Variants in SCRN1 observed in about 807,000 individuals in gnomAD.
SCRN1 encodes secernin 1.
Under a neutral mutation model 43.3 loss-of-function variants are expected in SCRN1, and 19 were observed. That is an observed-to-expected ratio of 0.44 (90% CI 0.31 to 0.64). The LOEUF is 0.64. SCRN1 is among the 30% of genes least tolerant of loss of function. The pLI is 0.09. For missense variants in SCRN1, 447 were observed against 524.1 expected, an observed-to-expected ratio of 0.85 and a Z score of 1.44; for synonymous variants, 183 against 188.9, an observed-to-expected ratio of 0.97 and a Z score of 0.26.
intron 5 of SCRN1, among the ~76,000 whole-genome samples, chr7:29,936,926 G>T (rs1787356653): frequency 6.6e-6 from 1 of 152,070 alleles, no homozygotes; most frequent in Admixed American, 6.6e-5. Flanking sequence ...GGCGCCTGTA[G>T]TCCCAGCTAC....
intron 4 of SCRN1, among the ~76,000 whole-genome samples, chr7:29,942,794 A>T (rs1583662773): frequency 6.6e-6 from 1 of 151,892 alleles, no homozygotes; most frequent in African/African-American, 2.4e-5. Context: ...GAAAGAGGCC[A>T]CCCCCTCCTC....
At chr7:29,969,232 A>T in intron 1 of SCRN1, 164 bp from the exon 2 acceptor site, 6 of 673,836 alleles carry the variant, frequency 8.9e-6, no homozygotes, top group African/African-American at 1.9e-5. Flanking sequence ...GGACGCCTGC[A>T]GTGGAATGAC....
At chr7:29,936,843 G>A in intron 5 of SCRN1, 122 bp from the exon 6 acceptor site, 5 of 658,172 alleles carry the variant, frequency 7.6e-6, no homozygotes, top group Middle Eastern at 4.8e-4. Flanking sequence ...TCAGGAGATC[G>A]CGACCATCCT....
Position 29,926,636 on chromosome 7 carries a change from G to T in SCRN1, c.906-4C>A, listed in dbSNP as rs1335891235. 1 of 1,610,286 alleles carries T rather than the reference G, an allele frequency of 6.2e-7. No homozygotes were observed. The highest frequency in any genetic ancestry group is 8.5e-7 in the Non-Finnish European group (1 of 1,177,222). ...GATGAAAGGCTTGAATATGGACCTGGAGAGGAAGGAGAGGCACTTCAGCCA... is the reference window on the plus strand; with the variant it reads ...GATGAAAGGCTTGAATATGGACCTGTAGAGGAAGGAGAGGCACTTCAGCCA... On this transcript the variant is annotated splice_polypyrimidine_tract_variant and splice_region_variant and intron_variant, in intron 6 of 7. Transcript: ENST00000242059.
At chr7:29,964,758 A>G (rs998441488) in intron 2 of SCRN1, among the ~76,000 whole-genome samples, 1 of 152,054 alleles carries the variant, frequency 6.6e-6, no homozygotes, top group Non-Finnish European at 1.5e-5. Context: ...GCTGGCCAAC[A>G]TGATGAAACC....
intron 3 of SCRN1, among the ~76,000 whole-genome samples, chr7:29,947,897 G>A (rs1157822144): frequency 6.6e-6 from 1 of 152,194 alleles, no homozygotes; most frequent in Non-Finnish European, 1.5e-5. Context: ...GGGGAAGATG[G>A]CCGTCTGCAA....
chr7:29,950,814 C>A lies in SCRN1; in HGVS notation c.341+4365G>T, dbSNP rs369346045. 7.9e-5 allele frequency among the ~76,000 whole-genome samples: 12 copies of A among 152,320 alleles called. No individual in the cohort carries two copies. Among genetic ancestry groups the A allele is most frequent in the African/African-American group, 2.4e-4 (10 of 41,576 alleles). On this transcript the variant is annotated intron_variant, in intron 3 of 7. Coordinates refer to ENST00000242059, the MANE Select transcript of SCRN1 (RefSeq NM_014766.5). The surrounding 1 kb of genome is among the most constrained non-coding windows in gnomAD (Gnocchi z 4.5). The stretch of plus-strand genomic sequence containing the variant: ...AGAGCTGGATACTCGTCAGGATGAC[C>A]TGCCTGCAGAATGGAGCTACCCACT...
intron 2 of SCRN1, among the ~76,000 whole-genome samples, chr7:29,958,051 C>A (rs1218590651): frequency 6.6e-6 from 1 of 152,168 alleles, no homozygotes; most frequent in Admixed American, 6.5e-5. Flanking sequence ...GGAAGGGGAT[C>A]CCCAAGTAGC....
intron 1 of SCRN1, among the ~76,000 whole-genome samples, chr7:29,988,131 G>A (rs1472910843): frequency 6.6e-6 from 1 of 152,138 alleles, no homozygotes; most frequent in Non-Finnish European, 1.5e-5. Flanking sequence ...CGCTAAATCA[G>A]TTCTTCCAAT....
chr7:29,961,558 C>A (rs1788312596), intron 2 of SCRN1, among the ~76,000 whole-genome samples: 2 of 151,098 alleles, frequency 1.3e-5, no homozygotes, highest in African/African-American at 2.4e-5. Flanking sequence ...CATTGTCATC[C>A]TGGCCCGTTC....
intron 6 of SCRN1, among the ~76,000 whole-genome samples, chr7:29,928,032 A>G (rs893949821): frequency 2.6e-5 from 4 of 152,182 alleles, no homozygotes; most frequent in African/African-American, 9.7e-5. Context: ...TTGAGGTGGA[A>G]GAGTCGCTGG....
chr7:29,969,644 G>T (rs1788607599), intron 1 of SCRN1, among the ~76,000 whole-genome samples: 1 of 152,090 alleles, frequency 6.6e-6, no homozygotes, highest in Non-Finnish European at 1.5e-5. Context: ...GCTGCTCCTG[G>T]ACTGGCTTGT....
At chr7:29,940,658 A>G (rs1787506929) in intron 5 of SCRN1, 24 bp downstream of exon 5, 1 of 1,569,080 alleles carries the variant, frequency 6.4e-7, no homozygotes, top group African/African-American at 1.4e-5. Flanking sequence ...GAGAAGGAGA[A>G]TCGTGAGGGA....
rs1554360370 is a variant in SCRN1, at chr7:29,966,204, A to AGAGAGG, written c.159+2704_159+2705insCCTCTC. 1.2e-3 allele frequency among the ~76,000 whole-genome samples: 173 copies of AGAGAGG among 145,698 alleles called. 1 individual carries two copies. Among genetic ancestry groups the AGAGAGG allele is most frequent in the Admixed American group, 2.9e-3 (42 of 14,528 alleles). ...GAGAGAGAGAGAGAGAGAGAGAGAG[A>AGAGAGG]AGCTGTATCCTTTTATGGCCCAGCC... On this transcript the variant is annotated intron_variant, in intron 2 of 7. Coordinates refer to ENST00000242059, the MANE Select transcript of SCRN1 (RefSeq NM_014766.5).
chr7:29,960,190 C>A (rs932219681), intron 2 of SCRN1, among the ~76,000 whole-genome samples: 1 of 152,120 alleles, frequency 6.6e-6, no homozygotes, highest in Admixed American at 6.5e-5. Flanking sequence ...CAAATATAGC[C>A]TCCATCTGGA....
At chr7:29,975,738 T>C (rs777681401) in intron 1 of SCRN1, among the ~76,000 whole-genome samples, 4 of 152,262 alleles carry the variant, frequency 2.6e-5, no homozygotes, top group Non-Finnish European at 5.9e-5. Context: ...GGCTTCTTTG[T>C]GGCAAATACC....
At position 29,939,307 on chromosome 7, in the gene SCRN1, G is replaced by A. The variant is rs187410482; in HGVS notation, c.739+1375C>T. 1.3e-4 allele frequency among the ~76,000 whole-genome samples: 20 copies of A among 152,048 alleles called. No individual in the cohort carries two copies. In the East Asian group the frequency reaches 3.5e-3, roughly 26 times the overall value. The stretch of plus-strand genomic sequence containing the variant: ...TACCTCACCGCAGCCTTGAACTCCT[G>A]GGCTTAAAAAATCTTCCCACCTCAG... On this transcript the variant is annotated intron_variant, in intron 5 of 7. Transcript: ENST00000242059.
intron 3 of SCRN1, among the ~76,000 whole-genome samples, chr7:29,946,876 T>C (rs1354571101): frequency 6.6e-6 from 1 of 152,224 alleles, no homozygotes; most frequent in Non-Finnish European, 1.5e-5. Flanking sequence ...GAAATGCAGA[T>C]GAATCCCATG....
At chr7:29,979,758 T>C (rs796707597) in intron 1 of SCRN1, among the ~76,000 whole-genome samples, 18 of 152,388 alleles carry the variant, frequency 1.2e-4, no homozygotes, top group African/African-American at 4.3e-4. Context: ...GAATGGCATC[T>C]GTTCTTGGAT....
Sources: allele counts gnomAD v4.1 joint callset (sites outside exome capture counted in the v4.1 genomes callset), GRCh38; gene constraint gnomAD v4.1.1; non-coding constraint Gnocchi (gnomAD v3.1); transcripts MANE v1.5; gene names NCBI Gene and HGNC (gene_info 2026-07-23, HGNC 2026-07-21).